Variants in SMIM27 observed in about 807,000 individuals in gnomAD.
The protein encoded by SMIM27 is TOPORS antisense RNA 1 (non-protein coding).
Under a neutral mutation model 1.8 loss-of-function variants are expected in SMIM27, and 3 were observed. The observed-to-expected ratio is 1.65, with a 90% CI of 0.75 to 4.28. SMIM27 has a LOEUF of 4.28. Ranked by LOEUF, SMIM27 falls within the 30% of genes most tolerant of loss-of-function variation. The pLI, the probability that SMIM27 is intolerant of heterozygous loss-of-function variation, is 0.02. For synonymous variants in SMIM27, 19 were observed against 13.9 expected (o/e 1.37, Z -0.82); for missense variants, 63 against 37.0 (o/e 1.70, Z -1.83).
rs560477530 is a variant in SMIM27 at position 32,566,232 on chromosome 9, G to A, written c.46-159G>A. Reference sequence around the variant, plus strand: ...TGTTCAGGTCATAGCTGGTTTTGTGGGTGGTTTTCTTATGGCAGACAACAC... The same window carrying A: ...TGTTCAGGTCATAGCTGGTTTTGTGAGTGGTTTTCTTATGGCAGACAACAC... On this transcript the variant is annotated intron_variant, in intron 1 of 1. Coordinates refer to the SMIM27 transcript ENST00000451672. The A allele has an allele frequency of 1.1e-4, 96 of 904,430 alleles. No homozygotes were observed. In the African/African-American group the frequency reaches 1.2e-3, roughly 11 times the overall value. 56.0% of individuals were successfully genotyped at this position (904,430 alleles called of 1,614,324 possible).
chr9:32,552,593 T>A, intron 1 of SMIM27, 114 bp downstream of exon 1: 1 of 911,600 alleles, frequency 1.1e-6, no homozygotes, highest in Non-Finnish European at 1.8e-6. Context: ...AATTAAGCAT[T>A]TCACTCCCTC....
intron 1 of SMIM27, among the ~76,000 whole-genome samples, chr9:32,561,003 T>C (rs566265694): frequency 6.6e-6 from 1 of 152,354 alleles, no homozygotes; most frequent in Admixed American, 6.5e-5. Context: ...TATTTTCTTC[T>C]CTAGGGTCTT....
chr9:32,559,039 C>A, intron 1 of SMIM27: 1 of 903,012 alleles, frequency 1.1e-6, no homozygotes, highest in African/African-American at 1.7e-5. Flanking sequence ...CAAATTTTAA[C>A]TTAAGCTCCA....
intron 1 of SMIM27, chr9:32,566,157 C>T (rs1821782655): frequency 1.6e-5 from 11 of 696,308 alleles, no homozygotes; most frequent in Non-Finnish European, 2.9e-5. Context: ...GTCACTGGCG[C>T]TTTCACACAG....
downstream of SMIM27, among the ~76,000 whole-genome samples, chr9:32,557,628 C>T (rs774040615): frequency 1.1e-4 from 16 of 151,676 alleles, no homozygotes; most frequent in Admixed American, 6.6e-5. Context: ...TACAGGTGCC[C>T]GCCACCACGC....
chr9:32,551,682 G>C (rs761377057), upstream of SMIM27: 20 of 316,866 alleles, frequency 6.3e-5, no homozygotes, highest in Non-Finnish European at 9.7e-5. Context: ...AAACATTCTA[G>C]AGCTGAACCT....
Position 32,552,991 on chromosome 9 carries a change from A to G in SMIM27, c.*68A>G, listed in dbSNP as rs1305288930. 1 of 608,096 alleles carries G rather than the reference A, an allele frequency of 1.6e-6. No individual in the cohort carries two copies. Among genetic ancestry groups the G allele is most frequent in the Non-Finnish European group, 2.9e-6 (1 of 340,106 alleles). 37.7% of individuals were successfully genotyped at this position (608,096 alleles called of 1,614,324 possible). Reference sequence around the variant, plus strand: ...ATGCTTATGTAGATATAAAAATAAAATTCATAATGCAAAGTTCCCAAGTTT... The same window carrying G: ...ATGCTTATGTAGATATAAAAATAAAGTTCATAATGCAAAGTTCCCAAGTTT... On this transcript the variant is annotated 3_prime_UTR_variant, in exon 2 of 2. Transcript: ENST00000692500.
downstream of SMIM27, among the ~76,000 whole-genome samples, chr9:32,557,566 G>T (rs1821502215): frequency 6.6e-6 from 1 of 151,144 alleles, no homozygotes; most frequent in South Asian, 2.1e-4. Context: ...TGCAACCTCC[G>T]CCTTCCAGTT....
downstream of SMIM27, among the ~76,000 whole-genome samples, chr9:32,554,966 T>C (rs973824099): frequency 2.6e-5 from 4 of 152,176 alleles, no homozygotes; most frequent in Admixed American, 1.3e-4. Context: ...CTTGGGATCC[T>C]TGGATGCCTT....
chr9:32,566,061 T>C lies in SMIM27; in HGVS notation c.46-330T>C, dbSNP rs1363935573. The C allele has an allele frequency of 5.3e-5, 22 of 415,068 alleles. No individual in the cohort carries two copies. In the East Asian group the frequency reaches 8.3e-4, roughly 16 times the overall value. The allele number at this position is 415,068 out of a possible 1,614,324, so 25.7% of individuals were successfully genotyped here. A position where few individuals can be genotyped will look rare whatever the true frequency, so the allele number is the denominator to read the frequency against. On this transcript the variant is annotated intron_variant, in intron 1 of 1. Transcript: ENST00000451672. Reference sequence around the variant, plus strand: ...TTTTAAGGTTTTTTCCAGGAGCTACTGGAGTGACCAAAAAAAAAAAAAGGC... The same window carrying C: ...TTTTAAGGTTTTTTCCAGGAGCTACCGGAGTGACCAAAAAAAAAAAAAGGC...
At chr9:32,551,210 C>A, upstream of SMIM27, 1 of 602,630 alleles carries the variant, frequency 1.7e-6, no homozygotes, top group Middle Eastern at 4.4e-4. Flanking sequence ...TACTCAGCCA[C>A]TGGGGACACT....
At chr9:32,559,812 C>A (rs1480142863) in intron 1 of SMIM27, among the ~76,000 whole-genome samples, 1 of 152,100 alleles carries the variant, frequency 6.6e-6, no homozygotes. Context: ...TATTACCAGT[C>A]TCTAAAACTA....
At chr9:32,561,025 T>C (rs1242062574) in intron 1 of SMIM27, among the ~76,000 whole-genome samples, 1 of 152,214 alleles carries the variant, frequency 6.6e-6, no homozygotes, top group Non-Finnish European at 1.5e-5. Flanking sequence ...CATGCCAAAA[T>C]AGTGAAAACA....
upstream of SMIM27, chr9:32,551,259 G>C: frequency 1.8e-6 from 1 of 564,196 alleles, no homozygotes; most frequent in East Asian, 3.0e-5. Context: ...GAAAACACGA[G>C]AACTAGTTCG....
chr9:32,556,574 G>A (rs1821461353), downstream of SMIM27, among the ~76,000 whole-genome samples: 1 of 152,130 alleles, frequency 6.6e-6, no homozygotes, highest in African/African-American at 2.4e-5. Flanking sequence ...AAGGGGTCAT[G>A]GCACAGAAAC....
exon 2 of SMIM27, chr9:32,566,543 A>G (rs747720359): frequency 3.5e-5 from 27 of 773,186 alleles, no homozygotes; most frequent in Non-Finnish European, 5.5e-5. Context: ...CCTCTGTTGT[A>G]TAGCTGCCGT....
chr9:32,564,335 C>G (rs908317491), intron 1 of SMIM27, among the ~76,000 whole-genome samples: 6 of 152,034 alleles, frequency 3.9e-5, no homozygotes, highest in Admixed American at 1.3e-4. Flanking sequence ...CACAGGCATA[C>G]CTTACTTTAT....
downstream of SMIM27, among the ~76,000 whole-genome samples, chr9:32,554,504 G>A (rs550200311): frequency 9.2e-5 from 14 of 152,306 alleles, no homozygotes; most frequent in Non-Finnish European, 1.5e-4. Context: ...AAGCTGTATA[G>A]TTTTAAGACA....
downstream of SMIM27, chr9:32,553,660 G>T (rs2118992922): frequency 4.0e-6 from 2 of 504,530 alleles, no homozygotes; most frequent in South Asian, 2.5e-5. Flanking sequence ...AGTCAAGAAT[G>T]ACCAGAAAAA....
Sources: allele counts gnomAD v4.1 joint callset (sites outside exome capture counted in the v4.1 genomes callset), GRCh38; gene constraint gnomAD v4.1.1; transcripts MANE v1.5; gene names NCBI Gene and HGNC (gene_info 2026-07-23, HGNC 2026-07-21).